PLK2: variants seen among roughly 807,000 people sequenced by gnomAD.
PLK2 encodes polo like kinase 2.
PLK2 carries 25 observed loss-of-function variants against 78.1 expected under a neutral mutation model. That is an observed-to-expected ratio of 0.32 (90% CI 0.23 to 0.45). PLK2 has a LOEUF of 0.45. PLK2 is among the 20% of genes least tolerant of loss of function. PLK2 has a pLI of 1.00. For synonymous variants in PLK2, 332 were observed against 298.2 expected (o/e 1.11, Z -1.17); for missense variants, 566 against 840.2 (o/e 0.67, Z 4.04).
At chr5:58,456,914 C>A (rs201907596) in intron 8 of PLK2, 31 bp downstream of exon 8, 3 of 1,446,242 alleles carry the variant, frequency 2.1e-6, no homozygotes, top group South Asian at 1.3e-5. Context: ...ATATTGGGTA[C>A]GAAAAAGGAA....
chr5:58,458,220 A>G, intron 4 of PLK2, 49 bp from the exon 5 acceptor site: 1 of 1,393,066 alleles, frequency 7.2e-7, no homozygotes, highest in Non-Finnish European at 1.0e-6. Flanking sequence ...AATGCGTTCT[A>G]ACCAAGTACA....
Position 58,457,358 on chromosome 5 carries a change from C to T in PLK2, c.831G>A (p.Arg277=), listed in dbSNP as rs1320425639. The T allele has an allele frequency of 1.6e-5, 25 of 1,612,654 alleles. No homozygotes were observed. Among genetic ancestry groups the T allele is most frequent in the Non-Finnish European group, 2.1e-5 (25 of 1,178,752 alleles). Residue 277 remains arginine (R), a synonymous_variant, in exon 7 of 14, where the codon AGG becomes AGA. Transcript: ENST00000274289. ...TGAGATTTGTAGTTTCAAATGGGGG[C>T]CTCCCTAGTAACATTGTATACCTGT... ...GCVMYTMLLG[R]PPFETTNLKE...
intron 3 of PLK2, 83 bp downstream of exon 3, chr5:58,458,642 G>T: frequency 7.9e-7 from 1 of 1,270,836 alleles, no homozygotes; most frequent in Non-Finnish European, 1.1e-6. Flanking sequence ...TGCTGCCACA[G>T]CTAAAATCCC....
intron 1 of PLK2, 147 bp downstream of exon 1, chr5:58,459,543 G>A (rs1045466205): frequency 3.0e-6 from 2 of 662,882 alleles, no homozygotes. Flanking sequence ...AAAGCCAGAG[G>A]GCAGGTGAGG....
intron 9 of PLK2, 82 bp from the exon 10 acceptor site, chr5:58,456,237 A>G: frequency 7.4e-7 from 1 of 1,347,164 alleles, no homozygotes; most frequent in South Asian, 1.3e-5. Flanking sequence ...GATGAGAGTG[A>G]GGCAATTGCT....
In PLK2 at chr5:58,456,677, T is replaced by C. The variant is rs12522386; in HGVS notation, c.1157-88A>G. On this transcript the variant is annotated intron_variant, in intron 8 of 13. Transcript: ENST00000274289. ...GTCATATTTTCTCCTTCTTGCATTA[T>C]TGACCAACTTATGAGCATCCTGGGC... The C allele has an allele frequency of 0.12, 109,935 of 887,122 alleles. 7,787 individuals carry two copies. The highest frequency in any genetic ancestry group is 0.21 in the Admixed American group (8,722 of 41,770). The allele number at this position is 887,122 out of a possible 1,614,324, so 55.0% of individuals were successfully genotyped here.
rs755182785 is a variant in PLK2, at chr5:58,454,932, G to A, written c.1845C>T (p.Leu615=). The A allele has an allele frequency of 7.5e-6, 12 of 1,609,914 alleles. No homozygotes were observed. Among genetic ancestry groups the A allele is most frequent in the Non-Finnish European group, 9.4e-6 (11 of 1,176,314 alleles). Reference sequence around the variant, plus strand: ...TTACCTGAAAGGTGCCATCATTAAAGAGCATCATTAGGGCCTTATCAGATT... The same window carrying A: ...TTACCTGAAAGGTGCCATCATTAAAAAGCATCATTAGGGCCTTATCAGATT... ...WLKSDKALMM[L]FNDGTFQVNF... Residue 615 remains leucine, a synonymous_variant, in exon 13 of 14, where the codon CTC becomes CTT. Coordinates refer to ENST00000274289, the MANE Select transcript of PLK2 (RefSeq NM_006622.4).
In PLK2 at chr5:58,454,343, A is replaced by T. The variant is rs1181444215; in HGVS notation, c.*240T>A. 1 of 388,932 alleles carries T rather than the reference A, an allele frequency of 2.6e-6. No individual in the cohort carries two copies. Among genetic ancestry groups the T allele is most frequent in the Non-Finnish European group, 4.6e-6 (1 of 217,786 alleles). The allele number at this position is 388,932 out of a possible 1,614,324, so 24.1% of individuals were successfully genotyped here. The stretch of plus-strand genomic sequence containing the variant: ...ACCTTTCTGCAAAATTGTCTGAAAA[A>T]CCTTTTAAAACAGGTATCTCAAGGA... On this transcript the variant is annotated 3_prime_UTR_variant, in exon 14 of 14. Transcript: ENST00000274289.
chr5:58,455,530 T>C lies in PLK2; in HGVS notation c.1625+9A>G. ...GAACTGACAGGATTTCATTAATTGA[T>C]ACACTTACTTTTTGTCTGGAAGGAG... On this transcript the variant is annotated intron_variant, in intron 11 of 13. Transcript: ENST00000274289. The C allele has an allele frequency of 6.2e-7, 1 of 1,614,036 alleles. No homozygotes were observed. The highest frequency in any genetic ancestry group is 2.2e-5 in the East Asian group (1 of 44,882).
chr5:58,457,652 G>T (rs761080582), intron 5 of PLK2, 69 bp from the exon 6 acceptor site: 6 of 825,974 alleles, frequency 7.3e-6, no homozygotes, highest in Non-Finnish European at 8.3e-6. Flanking sequence ...CTCTTGACAT[G>T]ACTTGATGGG....
In PLK2 at chr5:58,458,853, A is replaced by C. The variant is rs768957968; in HGVS notation, c.379-12T>G. The C allele has an allele frequency of 2.0e-6, 3 of 1,521,582 alleles. No individual in the cohort carries two copies. The highest frequency in any genetic ancestry group is 2.7e-6 in the Non-Finnish European group (3 of 1,096,398). 94.3% of individuals were successfully genotyped at this position (1,521,582 alleles called of 1,614,324 possible). A position where few individuals can be genotyped will look rare whatever the true frequency, so the allele number is the denominator to read the frequency against. ...ATTTCTTTGTCAATCTAAATGAAAA[A>C]GCAAGGTAAGGCTTATTAGCTTCCA... On this transcript the variant is annotated splice_polypyrimidine_tract_variant and intron_variant, in intron 2 of 13. Transcript: ENST00000274289.
intron 8 of PLK2, 41 bp from the exon 9 acceptor site, chr5:58,456,630 TAAC>T (rs1561216127): frequency 8.0e-7 from 1 of 1,244,338 alleles, no homozygotes; most frequent in Admixed American, 1.8e-5. Flanking sequence ...TAGTCTATCT[TAAC>T]AAGGTAGGAA....
chr5:58,454,923 A>G lies in PLK2; in HGVS notation c.1854T>C (p.Asp618=), dbSNP rs1355789657. The G allele has an allele frequency of 2.5e-6, 4 of 1,605,174 alleles. No homozygotes were observed. Among genetic ancestry groups the G allele is most frequent in the Non-Finnish European group, 2.6e-6 (3 of 1,171,806 alleles). ...SDKALMMLFN[D]GTFQVNFYHD... ...AGAGTTCATTTACCTGAAAGGTGCC[A>G]TCATTAAAGAGCATCATTAGGGCCT... Residue 618 remains aspartate, a synonymous_variant, in exon 13 of 14, where the codon GAT becomes GAC. Coordinates refer to ENST00000274289, the MANE Select transcript of PLK2 (RefSeq NM_006622.4).
intron 1 of PLK2, 76 bp downstream of exon 1, chr5:58,459,599 GCGGGCGAGGGACCCC>G: frequency 8.6e-7 from 1 of 1,160,664 alleles, no homozygotes; most frequent in South Asian, 1.6e-5. Flanking sequence ...CCCGGAAGCG[GCGGGCGAGGGACCCC>G]GCGGGCTTGC....
chr5:58,455,042 G>T, intron 12 of PLK2, 21 bp from the exon 13 acceptor site: 1 of 1,395,058 alleles, frequency 7.2e-7, no homozygotes, highest in Non-Finnish European at 1.0e-6. Flanking sequence ...TTAGGAGAGT[G>T]AGTTAGTGCC....
chr5:58,459,766 G>A lies in PLK2; in HGVS notation c.194C>T (p.Ser65Leu), dbSNP rs1743706954. The change falls in exon 1 of 14, where the codon TCG becomes TTG. Residue 65 changes from serine (S) to leucine (L), a missense_variant. Transcript: ENST00000274289. ...APHHHHHHSHSGPEISRIIVD... is the reference protein window; with the variant it reads ...APHHHHHHSHLGPEISRIIVD... ...GATAATCCGCGAGATCTCCGGCCCC[G>A]AGTGCGAATGGTGGTGATGGTGGTG... The A allele has an allele frequency of 4.4e-6, 7 of 1,607,638 alleles. No individual in the cohort carries two copies. Among genetic ancestry groups the A allele is most frequent in the South Asian group, 1.1e-5 (1 of 91,044 alleles).
chr5:58,457,616 A>G (rs1426433216), intron 5 of PLK2, 33 bp from the exon 6 acceptor site: 1 of 1,265,480 alleles, frequency 7.9e-7, no homozygotes, highest in South Asian at 1.2e-5. Context: ...TCGTGTTAGG[A>G]ACTATTCCAC....
rs1743684013 is a variant in PLK2 at position 58,459,018 on chromosome 5, G to A, written c.345C>T (p.His115=). The change falls in exon 2 of 14, where the codon CAC becomes CAT. Residue 115 remains histidine, a synonymous_variant. Transcript: ENST00000274289. ...NKVYAAKIIP[H]SRVAKPHQRE... The stretch of plus-strand genomic sequence containing the variant: ...TTTGATGAGGTTTAGCTACTCTGCT[G>A]TGAGGAATAATTTTTGCGGCGTAGA... 6.2e-7 allele frequency: 1 copy of A among 1,609,652 alleles called. No individual in the cohort carries two copies. Among genetic ancestry groups the A allele is most frequent in the Non-Finnish European group, 8.5e-7 (1 of 1,175,982 alleles).
chr5:58,459,366 C>T, intron 1 of PLK2: 1 of 570,280 alleles, frequency 1.8e-6, no homozygotes, highest in Non-Finnish European at 3.1e-6. Context: ...GAAAAATAAT[C>T]TCTGATGAGA....
Sources: gnomAD v4.1 joint callset for allele counts on GRCh38, gnomAD v4.1.1 for gene constraint, MANE v1.5 for transcripts, NCBI Gene and HGNC (gene_info 2026-07-23, HGNC 2026-07-21) for gene names.